Variants in PIEZO2 observed in about 807,000 individuals in gnomAD.
PIEZO2 encodes the protein piezo-type mechanosensitive ion channel component 2.
PIEZO2 carries 172 observed loss-of-function variants against 337.3 expected under a neutral mutation model. That is an observed-to-expected ratio of 0.51 (90% CI 0.45 to 0.58). The LOEUF is 0.58. Among genes scored for constraint, PIEZO2 ranks in the 20% least tolerant of loss-of-function variants. The probability of loss-of-function intolerance (pLI) is 0.00; values close to 1 mark genes in which losing one functional copy is unlikely to be tolerated. For synonymous variants in PIEZO2, 1,251 were observed against 1,228.5 expected (o/e 1.02, Z -0.38); for missense variants, 3,028 against 3,391.3 (o/e 0.89, Z 2.66).
Position 10,903,297 on chromosome 18 carries a change from G to A in PIEZO2, c.329+7889C>T, listed in dbSNP as rs112038862. On this transcript the variant is annotated intron_variant, in intron 4 of 55. Transcript: ENST00000674853. The surrounding 1 kb of genome is among the most constrained non-coding windows in gnomAD (Gnocchi z 4.1). Reference sequence around the variant, plus strand: ...GCTCATCTGGTCTATATTGCTGCTCGAGTGACATTTCTAGAAGCACATCTA... The same window carrying A: ...GCTCATCTGGTCTATATTGCTGCTCAAGTGACATTTCTAGAAGCACATCTA... Among the ~76,000 whole-genome samples the A allele has an allele frequency of 5.9e-5, 9 of 152,182 alleles. No individual in the cohort carries two copies. Among genetic ancestry groups the A allele is most frequent in the African/African-American group, 1.9e-4 (8 of 41,522 alleles).
At chr18:11,012,166 C>A (rs917706585) in intron 2 of PIEZO2, among the ~76,000 whole-genome samples, 1 of 152,160 alleles carries the variant, frequency 6.6e-6, no homozygotes, top group Non-Finnish European at 1.5e-5. Context: ...TATAAGACTG[C>A]ATGATTGTTA....
rs1366483185 is a variant in PIEZO2 at position 10,899,219 on chromosome 18, A to G, written c.329+11967T>C. ...GGGAATGAAACAACCAAGCTATGGA[A>G]GTCATACAATACTGGGACAATCCTG... On this transcript the variant is annotated intron_variant, in intron 4 of 55. Transcript: ENST00000674853. The surrounding 1 kb of genome is among the most constrained non-coding windows in gnomAD (Gnocchi z 4.6). Among the ~76,000 whole-genome samples, 1 of 152,200 alleles carries G rather than the reference A, an allele frequency of 6.6e-6. No homozygotes were observed. The highest frequency in any genetic ancestry group is 1.9e-4 in the East Asian group (1 of 5,196).
chr18:10,876,642 GA>G (rs1406661128), intron 4 of PIEZO2, among the ~76,000 whole-genome samples: 1 of 152,174 alleles, frequency 6.6e-6, no homozygotes, highest in Non-Finnish European at 1.5e-5. Context: ...ATGAGAATTA[GA>G]AATAGTCTAG....
chr18:10,787,333 C>A, intron 15 of PIEZO2, 149 bp from the exon 16 acceptor site: 1 of 894,952 alleles, frequency 1.1e-6, no homozygotes, highest in Non-Finnish European at 1.6e-6. Flanking sequence ...TTTAATGTTC[C>A]GTGTCTATCA....
chr18:11,091,810 A>G (rs545391342), intron 1 of PIEZO2, among the ~76,000 whole-genome samples: 1 of 152,306 alleles, frequency 6.6e-6, no homozygotes, highest in African/African-American at 2.4e-5. Flanking sequence ...TGACTTAGGG[A>G]TTAGGAACTG....
At position 11,028,442 on chromosome 18, in the gene PIEZO2, G is replaced by C. The variant is rs1194398369; in HGVS notation, c.160+37685C>G. On this transcript the variant is annotated intron_variant, in intron 2 of 55. Coordinates refer to ENST00000674853, the MANE Select transcript of PIEZO2 (RefSeq NM_001378183.1). This position sits in a 1 kb window ranked among gnomAD's most constrained non-coding sequence, Gnocchi z 4.8. ...CACCTGGGTAATTTTTGTATTTTTAGTAGAGACAGGGTTTCACCATGCTGG... is the reference window on the plus strand; with the variant it reads ...CACCTGGGTAATTTTTGTATTTTTACTAGAGACAGGGTTTCACCATGCTGG... Among the ~76,000 whole-genome samples, 2 of 151,988 alleles carry C rather than the reference G, an allele frequency of 1.3e-5. No homozygotes were observed. Among genetic ancestry groups the C allele is most frequent in the Non-Finnish European group, 2.9e-5 (2 of 68,012 alleles).
chr18:10,762,840 G>A, intron 22 of PIEZO2, 82 bp downstream of exon 22: 1 of 1,448,878 alleles, frequency 6.9e-7, no homozygotes, highest in East Asian at 2.5e-5. Context: ...GGCCAAATGT[G>A]CTTGGGGATG....
chr18:10,826,084 T>A (rs572755540), intron 7 of PIEZO2, among the ~76,000 whole-genome samples: 1 of 152,172 alleles, frequency 6.6e-6, no homozygotes, highest in Non-Finnish European at 1.5e-5. Context: ...AATTATTCCA[T>A]CTTTGACCAC....
rs1568202501 is a variant in PIEZO2, at chr18:10,922,566, C to G, written c.287-11338G>C. ...AGGACGTTTCCAGATTCCTTAGTAG[C>G]TGAGCGAGGAGAAGACCCTGAGCAT... On this transcript the variant is annotated intron_variant, in intron 3 of 55. Coordinates refer to ENST00000674853, the MANE Select transcript of PIEZO2 (RefSeq NM_001378183.1). Among the ~76,000 whole-genome samples, 2 of 151,978 alleles carry G rather than the reference C, an allele frequency of 1.3e-5. 1 individual carries two copies. The highest frequency in any genetic ancestry group is 2.9e-5 in the Non-Finnish European group (2 of 67,994).
At chr18:10,683,573 G>A (rs930918387) in intron 49 of PIEZO2, among the ~76,000 whole-genome samples, 4 of 152,170 alleles carry the variant, frequency 2.6e-5, no homozygotes, top group Middle Eastern at 3.4e-3. Context: ...TTTTCTTCCC[G>A]ATTTTCTATA....
rs2039266060 is a variant in PIEZO2 at position 11,096,450 on chromosome 18, TA to T, written c.65-30229del. Among the ~76,000 whole-genome samples the T allele has an allele frequency of 1.3e-5, 2 of 152,202 alleles. No homozygotes were observed. Among genetic ancestry groups the T allele is most frequent in the Admixed American group, 1.3e-4 (2 of 15,282 alleles). On this transcript the variant is annotated intron_variant, in intron 1 of 55. Coordinates refer to ENST00000674853, the MANE Select transcript of PIEZO2 (RefSeq NM_001378183.1). This position sits in a 1 kb window ranked among gnomAD's most constrained non-coding sequence, Gnocchi z 4.6. ...GGGCTCCACACCTGGTTCTGCCTCC[TA>T]AGAGCTCTCGGACAAATGCCTCCCT...
At chr18:10,687,575 C>G (rs912422985) in intron 49 of PIEZO2, among the ~76,000 whole-genome samples, 1 of 152,182 alleles carries the variant, frequency 6.6e-6, no homozygotes, top group Non-Finnish European at 1.5e-5. Flanking sequence ...CCCTTTGCAA[C>G]ATGACTTTGC....
At position 11,048,469 on chromosome 18, in the gene PIEZO2, G is replaced by A. The variant is rs11080474; in HGVS notation, c.160+17658C>T. Reference sequence around the variant, plus strand: ...TTTGACTTCCCTGCTTAATGCTGAGGAAATACTAAAAGGCAGCTTAAAGCA... The same window carrying A: ...TTTGACTTCCCTGCTTAATGCTGAGAAAATACTAAAAGGCAGCTTAAAGCA... On this transcript the variant is annotated intron_variant, in intron 2 of 55. Transcript: ENST00000674853. The surrounding 1 kb of genome is among the most constrained non-coding windows in gnomAD (Gnocchi z 4.5). Among the ~76,000 whole-genome samples the A allele has an allele frequency of 0.37, 56,453 of 152,006 alleles. 11,878 individuals are homozygous for A. The highest frequency in any genetic ancestry group is 0.49 in the Non-Finnish European group (32,984 of 67,924).
intron 33 of PIEZO2, chr18:10,740,358 T>A (rs73389019): frequency 6.6e-6 from 1 of 152,302 alleles, no homozygotes; most frequent in African/African-American, 2.4e-5. Context: ...TGTTCATTGG[T>A]CGTCTCTGAG....
chr18:10,765,126 C>T (rs1290882685), intron 21 of PIEZO2, among the ~76,000 whole-genome samples: 1 of 152,178 alleles, frequency 6.6e-6, no homozygotes, highest in Non-Finnish European at 1.5e-5. Context: ...GATTCCCTGC[C>T]CGCAGGAGGC....
At chr18:10,941,988 G>A (rs2032751282) in intron 3 of PIEZO2, among the ~76,000 whole-genome samples, 1 of 152,174 alleles carries the variant, frequency 6.6e-6, no homozygotes, top group Non-Finnish European at 1.5e-5. Flanking sequence ...TTTTAAAGAT[G>A]GGAGTTTCTC....
At chr18:10,701,191 G>C (rs2035316235) in intron 43 of PIEZO2, among the ~76,000 whole-genome samples, 1 of 152,144 alleles carries the variant, frequency 6.6e-6, no homozygotes, top group South Asian at 2.1e-4. Context: ...TTAAGACGAG[G>C]GAAAGAAAGT....
In PIEZO2 at chr18:10,895,049, C is replaced by G. The variant is rs1568174334; in HGVS notation, c.329+16137G>C. On this transcript the variant is annotated intron_variant, in intron 4 of 55. Coordinates refer to ENST00000674853, the MANE Select transcript of PIEZO2 (RefSeq NM_001378183.1). This position sits in a 1 kb window ranked among gnomAD's most constrained non-coding sequence, Gnocchi z 4.8. Reference sequence around the variant, plus strand: ...TGCTCTTGCATGGTCATTCCTCCCCCTGAAGCCTCAGTGGGCTGTCATTTG... The same window carrying G: ...TGCTCTTGCATGGTCATTCCTCCCCGTGAAGCCTCAGTGGGCTGTCATTTG... Among the ~76,000 whole-genome samples, 2 of 152,242 alleles carry G rather than the reference C, an allele frequency of 1.3e-5. No homozygotes were observed. The highest frequency in any genetic ancestry group is 6.5e-5 in the Admixed American group (1 of 15,290).
intron 2 of PIEZO2, among the ~76,000 whole-genome samples, chr18:10,986,773 T>C (rs1409299908): frequency 2.0e-5 from 3 of 151,962 alleles, no homozygotes; most frequent in African/African-American, 4.8e-5. Context: ...AGGAAGATAT[T>C]AAATTGTTCC....
Sources: gnomAD v4.1 joint callset for allele counts (sites outside exome capture counted in the v4.1 genomes callset) on GRCh38, gnomAD v4.1.1 for gene constraint, Gnocchi (gnomAD v3.1) non-coding constraint, MANE v1.5 for transcripts, NCBI Gene and HGNC (gene_info 2026-07-23, HGNC 2026-07-21) for gene names.